SCUBE1: variants seen among roughly 807,000 people sequenced by gnomAD.
SCUBE1 encodes the protein signal peptide, CUB domain and EGF like domain containing 1, also known as signal peptide, CUB and EGF-like domain-containing protein 1.
SCUBE1 carries 59 observed loss-of-function variants against 124.4 expected under a neutral mutation model. The ratio of observed to expected loss-of-function variants is 0.47; its 90% CI spans 0.38 to 0.59. SCUBE1 has a LOEUF of 0.59. SCUBE1 is among the 20% of genes least tolerant of loss of function. SCUBE1 has a pLI of 0.00. For missense variants in SCUBE1, 1,150 were observed against 1,371.2 expected, an observed-to-expected ratio of 0.84 and a Z score of 2.55; for synonymous variants, 545 against 550.9, an observed-to-expected ratio of 0.99 and a Z score of 0.15.
rs1920979820 is a variant in SCUBE1, at chr22:43,200,059, C to T, written c.*3938G>A. Reference sequence around the variant, plus strand: ...AAGGTCCCCCCACGCCTGGGTCCCACCTGACTCCTGGGAAGCTGTGCGGGA... The same window carrying T: ...AAGGTCCCCCCACGCCTGGGTCCCATCTGACTCCTGGGAAGCTGTGCGGGA... On this transcript the variant is annotated 3_prime_UTR_variant, in exon 22 of 22. Transcript: ENST00000360835. The T allele has an allele frequency of 6.6e-6, 1 of 152,300 alleles. No homozygotes were observed. Among genetic ancestry groups the T allele is most frequent in the Non-Finnish European group, 1.5e-5 (1 of 68,094 alleles). The allele number at this position is 152,300 out of a possible 1,614,324, so 9.4% of individuals were successfully genotyped here. A position where few individuals can be genotyped will look rare whatever the true frequency, so the allele number is the denominator to read the frequency against.
intron 4 of SCUBE1, chr22:43,283,954 A>C (rs1293284122): frequency 1.3e-5 from 2 of 152,240 alleles, no homozygotes; most frequent in Non-Finnish European, 2.9e-5. Context: ...GTTAAATTTA[A>C]CCAGAGGTCA....
At position 43,255,406 on chromosome 22, in the gene SCUBE1, T is replaced by G; in HGVS notation, c.727+2813A>C. The G allele has an allele frequency of 8.4e-7, 1 of 1,196,156 alleles. No individual in the cohort carries two copies. The highest frequency in any genetic ancestry group is 1.2e-6 in the Non-Finnish European group (1 of 825,552). 74.1% of individuals were successfully genotyped at this position (1,196,156 alleles called of 1,614,324 possible). The stretch of plus-strand genomic sequence containing the variant: ...CAGCACACACACGCCCATGTCCACA[T>G]GCCAGTGCGCACCCGAGACACACAT... On this transcript the variant is annotated intron_variant, in intron 6 of 21. Transcript: ENST00000360835. The surrounding 1 kb of genome is among the most constrained non-coding windows in gnomAD (Gnocchi z 4.7).
At chr22:43,220,736 T>C in intron 13 of SCUBE1, 149 bp from the exon 14 acceptor site, 1 of 1,028,586 alleles carries the variant, frequency 9.7e-7, no homozygotes, top group South Asian at 1.7e-5. Context: ...CAGGGCTGGC[T>C]CGGGGTCTCA....
chr22:43,226,119 A>T (rs1345118000), intron 10 of SCUBE1, among the ~76,000 whole-genome samples: 1 of 152,170 alleles, frequency 6.6e-6, no homozygotes. Flanking sequence ...TGTGATTGTC[A>T]GGGTCTGTTC....
At chr22:43,297,445 C>T (rs374649458) in intron 3 of SCUBE1, among the ~76,000 whole-genome samples, 5 of 152,232 alleles carry the variant, frequency 3.3e-5, no homozygotes, top group African/African-American at 9.6e-5. Context: ...GGGGTGGCGG[C>T]GGACGGCCCT....
At chr22:43,308,839 C>G (rs930073073) in intron 3 of SCUBE1, among the ~76,000 whole-genome samples, 3 of 152,254 alleles carry the variant, frequency 2.0e-5, no homozygotes, top group African/African-American at 7.2e-5. Context: ...CTGATCCTAA[C>G]AGACAGGGAC....
chr22:43,277,598 ACTT>A (rs1239558326), intron 4 of SCUBE1, among the ~76,000 whole-genome samples: 4 of 152,144 alleles, frequency 2.6e-5, no homozygotes, highest in Non-Finnish European at 5.9e-5. Context: ...TGGCTTTGCT[ACTT>A]CTTCACTACG....
At chr22:43,338,991 A>C (rs1451369261) in intron 2 of SCUBE1, 113 bp downstream of exon 2, 7 of 1,268,654 alleles carry the variant, frequency 5.5e-6, no homozygotes, top group African/African-American at 1.5e-5. Context: ...CAGCAACCAC[A>C]ATGGTGGTGC....
Position 43,211,150 on chromosome 22 carries a change from C to G in SCUBE1, c.2222-67G>C, listed in dbSNP as rs1921534797. 6.6e-7 allele frequency: 1 copy of G among 1,504,732 alleles called. No individual in the cohort carries two copies. Among genetic ancestry groups the G allele is most frequent in the Non-Finnish European group, 9.0e-7 (1 of 1,105,864 alleles). The allele number at this position is 1,504,732 out of a possible 1,614,324, so 93.2% of individuals were successfully genotyped here. A position where few individuals can be genotyped will look rare whatever the true frequency, so the allele number is the denominator to read the frequency against. ...GCAGGGAAAGGGCAGCACTGGGGTGCTGTCCCCAGGACCTCTCATGCCCTC... is the reference window on the plus strand; with the variant it reads ...GCAGGGAAAGGGCAGCACTGGGGTGGTGTCCCCAGGACCTCTCATGCCCTC... On this transcript the variant is annotated intron_variant, in intron 17 of 21. Coordinates refer to ENST00000360835, the MANE Select transcript of SCUBE1 (RefSeq NM_173050.5). This position sits in a 1 kb window ranked among gnomAD's most constrained non-coding sequence, Gnocchi z 4.5.
intron 21 of SCUBE1, among the ~76,000 whole-genome samples, chr22:43,205,156 A>T (rs1192044817): frequency 6.6e-6 from 1 of 152,104 alleles, no homozygotes; most frequent in Non-Finnish European, 1.5e-5. Flanking sequence ...CAGAGAGGTC[A>T]CGATGCCTCT....
intron 3 of SCUBE1, among the ~76,000 whole-genome samples, chr22:43,316,290 T>C (rs1296547465): frequency 1.3e-5 from 2 of 152,164 alleles, no homozygotes; most frequent in African/African-American, 4.8e-5. Flanking sequence ...AGGGCTAGAA[T>C]TTAAGCCACA....
In SCUBE1 at chr22:43,210,472, TG is replaced by T. The variant is rs11475481; in HGVS notation, c.2384-233del. The stretch of plus-strand genomic sequence containing the variant: ...GCCTGTGGTTCCCTGAGGCCCAGCC[TG>T]GGGGCTTCTTCTTACTGGGCTGCCA... On this transcript the variant is annotated intron_variant, in intron 18 of 21. Transcript: ENST00000360835. The surrounding 1 kb of genome is among the most constrained non-coding windows in gnomAD (Gnocchi z 4.5). 0.076 allele frequency among the ~76,000 whole-genome samples: 11,630 copies of T among 152,220 alleles called. 820 individuals are homozygous for T. The highest frequency in any genetic ancestry group is 0.18 in the African/African-American group (7,392 of 41,528).
chr22:43,331,905 G>GA (rs1246184371), intron 2 of SCUBE1, among the ~76,000 whole-genome samples: 1 of 152,198 alleles, frequency 6.6e-6, no homozygotes. Flanking sequence ...GAGGCAAGAG[G>GA]AAACGGGGTG....
At chr22:43,323,869 A>G (rs936346408) in intron 2 of SCUBE1, among the ~76,000 whole-genome samples, 4 of 152,220 alleles carry the variant, frequency 2.6e-5, no homozygotes, top group African/African-American at 9.6e-5. Context: ...AGAAAAATAA[A>G]TGAGGGTTGA....
chr22:43,336,937 A>G (rs1927100769), intron 2 of SCUBE1, among the ~76,000 whole-genome samples: 1 of 149,692 alleles, frequency 6.7e-6, no homozygotes, highest in Non-Finnish European at 1.5e-5. Flanking sequence ...GTGTGCATGC[A>G]TGTGTGTCTG....
chr22:43,229,954 A>G (rs1357901467), intron 8 of SCUBE1, among the ~76,000 whole-genome samples: 2 of 152,242 alleles, frequency 1.3e-5, no homozygotes, highest in African/African-American at 4.8e-5. Context: ...CCTTGGGCAT[A>G]GCAGTTAAGA....
At chr22:43,340,502 AC>A (rs1927277432) in intron 1 of SCUBE1, among the ~76,000 whole-genome samples, 2 of 150,398 alleles carry the variant, frequency 1.3e-5, no homozygotes, top group Admixed American at 6.6e-5. Flanking sequence ...ACACACACAC[AC>A]ACACACACAC....
intron 3 of SCUBE1, among the ~76,000 whole-genome samples, chr22:43,300,678 ACAC>A (rs1314464944): frequency 1.3e-5 from 2 of 152,052 alleles, no homozygotes; most frequent in Non-Finnish European, 2.9e-5. Context: ...TATTCTGTGG[ACAC>A]CACCTCCTTT....
intron 6 of SCUBE1, among the ~76,000 whole-genome samples, chr22:43,251,280 G>T (rs139411833): frequency 5.8e-4 from 88 of 152,332 alleles, no homozygotes; most frequent in Non-Finnish European, 1.1e-3. Flanking sequence ...GGAGGCTCAT[G>T]GTCCTGGGGC....
Sources: allele counts gnomAD v4.1 joint callset (sites outside exome capture counted in the v4.1 genomes callset), GRCh38; gene constraint gnomAD v4.1.1; non-coding constraint Gnocchi (gnomAD v3.1); transcripts MANE v1.5; gene names NCBI Gene and HGNC (gene_info 2026-07-23, HGNC 2026-07-21).